Variants in CHRM2 observed in about 807,000 individuals in gnomAD.
The protein encoded by CHRM2 is muscarinic acetylcholine receptor M2.
CHRM2 carries 8 observed loss-of-function variants against 25.0 expected under a neutral mutation model. The ratio of observed to expected loss-of-function variants is 0.32; its 90% CI spans 0.19 to 0.58. The LOEUF (loss-of-function observed/expected upper bound fraction) is 0.58. Ranked by LOEUF, CHRM2 falls within the 20% of genes least tolerant of loss-of-function variation. CHRM2 has a pLI of 0.88. For synonymous variants in CHRM2, 202 were observed against 205.7 expected (o/e 0.98, Z 0.15); for missense variants, 440 against 567.1 (o/e 0.78, Z 2.28).
At chr7:136,936,122 G>C (rs966416826) in intron 2 of CHRM2, among the ~76,000 whole-genome samples, 2 of 152,000 alleles carry the variant, frequency 1.3e-5, no homozygotes, top group Non-Finnish European at 2.9e-5. Context: ...TTGGGTAGCG[G>C]AGATATTTTT....
intron 2 of CHRM2, among the ~76,000 whole-genome samples, chr7:136,969,675 C>T (rs1192400727): frequency 6.6e-6 from 1 of 152,150 alleles, no homozygotes; most frequent in Non-Finnish European, 1.5e-5. Context: ...TGCCACCTTT[C>T]CAACGTCCTT....
intron 3 of CHRM2, among the ~76,000 whole-genome samples, chr7:137,004,410 G>T (rs1804278888): frequency 6.6e-6 from 1 of 152,070 alleles, no homozygotes; most frequent in Admixed American, 6.6e-5. Flanking sequence ...AAAGATTATG[G>T]TTTGGTAATT....
chr7:137,001,916 G>C (rs1375979257), intron 3 of CHRM2, among the ~76,000 whole-genome samples: 1 of 152,190 alleles, frequency 6.6e-6, no homozygotes, highest in Non-Finnish European at 1.5e-5. Flanking sequence ...CTGTCCTTCT[G>C]TGGGGTTCTT....
chr7:136,882,263 C>T (rs1001081672), intron 2 of CHRM2, among the ~76,000 whole-genome samples: 31 of 152,108 alleles, frequency 2.0e-4, no homozygotes, highest in Non-Finnish European at 2.9e-4. Context: ...TACACTCATA[C>T]GTTATATTCA....
intron 2 of CHRM2, among the ~76,000 whole-genome samples, chr7:136,912,595 A>C (rs1264185971): frequency 6.6e-6 from 1 of 151,824 alleles, no homozygotes; most frequent in Non-Finnish European, 1.5e-5. Flanking sequence ...TTATCTTATC[A>C]ATGGGTAGCA....
At chr7:136,878,694 C>A (rs1393363592) in intron 2 of CHRM2, among the ~76,000 whole-genome samples, 1 of 151,832 alleles carries the variant, frequency 6.6e-6, no homozygotes, top group African/African-American at 2.4e-5. Flanking sequence ...TCATGCCCAC[C>A]CGATGTGGTA....
chr7:136,974,565 A>C lies in CHRM2; in HGVS notation c.-124-17622A>C, dbSNP rs547085763. Among the ~76,000 whole-genome samples the C allele has an allele frequency of 9.0e-4, 137 of 152,226 alleles. 1 individual carries two copies. Among genetic ancestry groups the C allele is most frequent in the Non-Finnish European group, 1.7e-3 (113 of 68,016 alleles). On this transcript the variant is annotated intron_variant, in intron 2 of 3. Transcript: ENST00000680005. ...AGAAACAGAATACACAAAAACACAG[A>C]GGCTCGAATGCATATACCTCATTAC... is the stretch of plus-strand genomic sequence containing the variant.
At chr7:136,976,854 TC>T (rs1802138878) in intron 2 of CHRM2, among the ~76,000 whole-genome samples, 1 of 152,182 alleles carries the variant, frequency 6.6e-6, no homozygotes. Context: ...TGGAACAATG[TC>T]CCCGGTGCTC....
chr7:137,015,733 A>G lies in CHRM2; in HGVS notation c.868A>G (p.Ser290Gly). The change falls in exon 4 of 4, where the codon AGT becomes GGT. Residue 290 changes from serine (S) to glycine (G), a missense_variant. By Grantham distance (56) the Ser-to-Gly change is moderately conservative. This residue lies in a region of CHRM2 where 261 missense variants were observed against 261.8 expected (regional missense o/e 1.00). Coordinates refer to ENST00000680005, the MANE Select transcript of CHRM2 (RefSeq NM_001006630.2). The surrounding 1 kb of genome is among the most constrained non-coding windows in gnomAD (Gnocchi z 5.1). ...GAGCTCCAATGACTCCACCTCAGTCAGTGCTGTTGCCTCTAATATGAGAGA... is the reference window on the plus strand; with the variant it reads ...GAGCTCCAATGACTCCACCTCAGTCGGTGCTGTTGCCTCTAATATGAGAGA... ...KESSNDSTSV[S>G]AVASNMRDDE... is the part of the protein sequence containing the mutation. 6.2e-7 allele frequency: 1 copy of G among 1,613,338 alleles called. No individual in the cohort carries two copies. Among genetic ancestry groups the G allele is most frequent in the Non-Finnish European group, 8.5e-7 (1 of 1,179,566 alleles).
intron 2 of CHRM2, among the ~76,000 whole-genome samples, chr7:136,977,486 GA>G (rs1291399233): frequency 4.6e-5 from 7 of 152,028 alleles, no homozygotes; most frequent in Non-Finnish European, 1.0e-4. Flanking sequence ...CAAGTAAAAA[GA>G]AATGAATAAG....
chr7:136,920,879 A>G lies in CHRM2; in HGVS notation c.-125+51461A>G, dbSNP rs189818163. 7.2e-5 allele frequency among the ~76,000 whole-genome samples: 11 copies of G among 152,144 alleles called. No homozygotes were observed. The East Asian group carries it at 2.1e-3, about 30-fold the overall frequency. ...ACATTTCTTGTTACTATCACGAAAA[A>G]TTCTCCTTCCCAAGGAGACGTGTGA... On this transcript the variant is annotated intron_variant, in intron 2 of 3. Transcript: ENST00000680005.
At chr7:136,921,786 C>CTTTTTTTTTTTTTTTTTTTTTTT (rs1485518823) in intron 2 of CHRM2, among the ~76,000 whole-genome samples, 2 of 110,490 alleles carry the variant, frequency 1.8e-5, no homozygotes, top group Non-Finnish European at 4.7e-5. Flanking sequence ...TTCTTTCTTT[C>CTTTTTTTTTTTTTTTTTTTTTTT]TTTCTTTCTT....
chr7:136,997,598 T>G (rs1232046751), intron 3 of CHRM2, among the ~76,000 whole-genome samples: 1 of 152,216 alleles, frequency 6.6e-6, no homozygotes, highest in African/African-American at 2.4e-5. Flanking sequence ...ATACAGCATC[T>G]TTGAGACTCA....
intron 2 of CHRM2, among the ~76,000 whole-genome samples, chr7:136,963,694 G>C (rs562322061): frequency 6.6e-6 from 1 of 152,158 alleles, no homozygotes; most frequent in African/African-American, 2.4e-5. Context: ...TCAGTCCTGG[G>C]TTCACATTAG....
chr7:136,880,037 C>T (rs1031155676), intron 2 of CHRM2, among the ~76,000 whole-genome samples: 4 of 143,922 alleles, frequency 2.8e-5, no homozygotes, highest in Admixed American at 1.4e-4. Flanking sequence ...TGGTCCATTC[C>T]TCTTGGATCT....
Position 136,953,728 on chromosome 7 carries a change from T to G in CHRM2, c.-124-38459T>G, listed in dbSNP as rs1241770468. On this transcript the variant is annotated intron_variant, in intron 2 of 3. Coordinates refer to ENST00000680005, the MANE Select transcript of CHRM2 (RefSeq NM_001006630.2). ...AGCAGGCATCCTATGCCTTAAAATTTAATGAAAAAAAAAAACAAATATATT... is the reference window on the plus strand; with the variant it reads ...AGCAGGCATCCTATGCCTTAAAATTGAATGAAAAAAAAAAACAAATATATT... Among the ~76,000 whole-genome samples the G allele has an allele frequency of 6.4e-5, 5 of 77,940 alleles. No individual in the cohort carries two copies. In the East Asian group the frequency reaches 1.4e-3, roughly 21 times the overall value. 51.1% of individuals were successfully genotyped at this position (77,940 alleles called of 152,430 possible).
chr7:136,985,180 T>C (rs1038749723), intron 2 of CHRM2, among the ~76,000 whole-genome samples: 7 of 152,134 alleles, frequency 4.6e-5, no homozygotes, highest in African/African-American at 1.7e-4. Flanking sequence ...ATTCCAGCCA[T>C]ATTATTTTTG....
chr7:136,963,953 C>A (rs777149722), intron 2 of CHRM2, among the ~76,000 whole-genome samples: 1 of 152,120 alleles, frequency 6.6e-6, no homozygotes, highest in Non-Finnish European at 1.5e-5. Context: ...TCTCTTTATA[C>A]TTCTCATTTG....
At chr7:136,989,117 T>C (rs571524711) in intron 2 of CHRM2, among the ~76,000 whole-genome samples, 60 of 152,076 alleles carry the variant, frequency 3.9e-4, no homozygotes, top group Non-Finnish European at 7.6e-4. Flanking sequence ...CTGTTCCTTA[T>C]TAGTCTGATT....
Sources: allele counts gnomAD v4.1 joint callset (sites outside exome capture counted in the v4.1 genomes callset), GRCh38; gene constraint gnomAD v4.1.1; regional missense constraint gnomAD v4.1.1; non-coding constraint Gnocchi (gnomAD v3.1); transcripts MANE v1.5; gene names NCBI Gene and HGNC (gene_info 2026-07-23, HGNC 2026-07-21).